SCG5: variants seen among roughly 807,000 people sequenced by gnomAD.
SCG5 encodes the protein secretogranin V.
SCG5 carries 18 observed loss-of-function variants against 25.7 expected under a neutral mutation model. That is an observed-to-expected ratio of 0.70 (90% CI 0.48 to 1.04). SCG5 has a LOEUF of 1.04. Ranked by LOEUF, SCG5 falls within the 50% of genes least tolerant of loss-of-function variation. SCG5 has a pLI of 0.00. For missense variants in SCG5, 206 were observed against 259.8 expected (o/e 0.79, Z 1.42); for synonymous variants, 101 against 91.7 (o/e 1.10, Z -0.58).
chr15:32,641,995 A>G (rs1025341374), intron 1 of SCG5, among the ~76,000 whole-genome samples: 2 of 152,074 alleles, frequency 1.3e-5, no homozygotes, highest in Non-Finnish European at 2.9e-5. Flanking sequence ...GTTTGCTGGG[A>G]TGACATCCTG....
intron 2 of SCG5, among the ~76,000 whole-genome samples, chr15:32,647,996 T>C (rs1191917333): frequency 6.6e-6 from 1 of 152,130 alleles, no homozygotes; most frequent in African/African-American, 2.4e-5. Flanking sequence ...GTGACTCCGG[T>C]GTTTGTATTT....
At chr15:32,653,193 G>A (rs991007893) in intron 2 of SCG5, among the ~76,000 whole-genome samples, 29 of 152,258 alleles carry the variant, frequency 1.9e-4, no homozygotes, top group African/African-American at 6.7e-4. Context: ...AACAGTGATC[G>A]GTAGAATCTG....
intron 2 of SCG5, among the ~76,000 whole-genome samples, chr15:32,646,980 A>G (rs940722961): frequency 6.6e-5 from 10 of 152,344 alleles, no homozygotes; most frequent in East Asian, 5.8e-4. Flanking sequence ...ATTTTATAGT[A>G]ATACTGTATT....
intron 4 of SCG5, 126 bp downstream of exon 4, chr15:32,684,795 C>A: frequency 1.5e-6 from 1 of 651,228 alleles, no homozygotes; most frequent in South Asian, 1.9e-5. Flanking sequence ...TTTCAGAAAT[C>A]TCTGGTTGAC....
chr15:32,684,778 G>A (rs1039058036), intron 4 of SCG5, 109 bp downstream of exon 4: 1 of 694,316 alleles, frequency 1.4e-6, no homozygotes, highest in South Asian at 1.9e-5. Flanking sequence ...TTATTTAGAA[G>A]CTAATTTTTC....
At chr15:32,652,734 A>C (rs2054052662) in intron 2 of SCG5, among the ~76,000 whole-genome samples, 1 of 152,182 alleles carries the variant, frequency 6.6e-6, no homozygotes, top group Non-Finnish European at 1.5e-5. Context: ...CAGTCTCCCA[A>C]ATCTCTTTTC....
chr15:32,674,734 G>A (rs2054501733), intron 2 of SCG5, among the ~76,000 whole-genome samples: 1 of 152,174 alleles, frequency 6.6e-6, no homozygotes, highest in African/African-American at 2.4e-5. Context: ...GCCAGGGAGA[G>A]ACTCAAACCA....
In SCG5 at chr15:32,670,984, G is replaced by A. The variant is rs541447144; in HGVS notation, c.227-8782G>A. ...TGACTAGATAGGAAAAGCAGCTAAC[G>A]TTCATGGAGTGCTTATTACATACCA... On this transcript the variant is annotated intron_variant, in intron 2 of 5. Coordinates refer to ENST00000300175, the MANE Select transcript of SCG5 (RefSeq NM_001144757.3). Among the ~76,000 whole-genome samples, 145 of 152,308 alleles carry A rather than the reference G, an allele frequency of 9.5e-4. 1 individual carries two copies. The highest frequency in any genetic ancestry group is 1.5e-3 in the South Asian group (7 of 4,820).
At chr15:32,677,763 T>C (rs772296293) in intron 2 of SCG5, 1 of 152,200 alleles carries the variant, frequency 6.6e-6, no homozygotes, top group Admixed American at 6.5e-5. Flanking sequence ...GAAATCCTTC[T>C]AAGAAATGAT....
At chr15:32,675,315 C>T in intron 2 of SCG5, among the ~76,000 whole-genome samples, 1 of 152,150 alleles carries the variant, frequency 6.6e-6, no homozygotes, top group East Asian at 1.9e-4. Context: ...AAGCTTTTGA[C>T]TCATCTCTCT....
At chr15:32,684,973 T>G (rs555740600) in intron 4 of SCG5, among the ~76,000 whole-genome samples, 1 of 152,304 alleles carries the variant, frequency 6.6e-6, no homozygotes, top group South Asian at 2.1e-4. Context: ...CACCAGTGTT[T>G]CATGCATCTC....
chr15:32,654,177 A>T (rs1248912591), intron 2 of SCG5, among the ~76,000 whole-genome samples: 1 of 152,214 alleles, frequency 6.6e-6, no homozygotes, highest in Non-Finnish European at 1.5e-5. Context: ...GGCTGCTATA[A>T]CAAAAATTCC....
In SCG5 at chr15:32,666,178, T is replaced by C. The variant is rs147719889; in HGVS notation, c.227-13588T>C. ...AGTGATGGCTACAGCTCTAAAATAC[T>C]GAACATGGCTGCCTACTGAATTCAG... On this transcript the variant is annotated intron_variant, in intron 2 of 5. Coordinates refer to ENST00000300175, the MANE Select transcript of SCG5 (RefSeq NM_001144757.3). 2.9e-3 allele frequency among the ~76,000 whole-genome samples: 449 copies of C among 152,380 alleles called. 2 individuals are homozygous for C. The highest frequency in any genetic ancestry group is 4.7e-3 in the Non-Finnish European group (323 of 68,034).
At chr15:32,645,168 A>G (rs1017892492) in intron 2 of SCG5, among the ~76,000 whole-genome samples, 1 of 152,206 alleles carries the variant, frequency 6.6e-6, no homozygotes, top group African/African-American at 2.4e-5. Context: ...GCACACCTAT[A>G]TATTTCAGGC....
intron 2 of SCG5, among the ~76,000 whole-genome samples, chr15:32,665,196 A>C (rs933150256): frequency 6.6e-6 from 1 of 152,212 alleles, no homozygotes; most frequent in Non-Finnish European, 1.5e-5. Context: ...CATTCCCCTA[A>C]AATGCACCTA....
intron 2 of SCG5, among the ~76,000 whole-genome samples, chr15:32,661,840 T>C (rs1319798611): frequency 6.6e-6 from 1 of 152,198 alleles, no homozygotes; most frequent in Non-Finnish European, 1.5e-5. Context: ...TCGTGGATCA[T>C]TTCGAAAATA....
chr15:32,660,329 C>T (rs1373076750), intron 2 of SCG5, among the ~76,000 whole-genome samples: 1 of 152,196 alleles, frequency 6.6e-6, no homozygotes, highest in Non-Finnish European at 1.5e-5. Context: ...GAGCTTCCTC[C>T]TGCAGCCTGC....
At chr15:32,679,728 A>G in intron 2 of SCG5, 38 bp from the exon 3 acceptor site, 1 of 1,608,496 alleles carries the variant, frequency 6.2e-7, no homozygotes, top group Non-Finnish European at 8.5e-7. Flanking sequence ...AAATTAATTG[A>G]ATTGCACTGC....
chr15:32,695,134 A>G (rs546376350), intron 5 of SCG5, among the ~76,000 whole-genome samples: 3 of 151,236 alleles, frequency 2.0e-5, no homozygotes, highest in East Asian at 1.9e-4. Flanking sequence ...TCCTGCCTCA[A>G]CCTCCCAAGT....
Sources: allele counts gnomAD v4.1 joint callset (sites outside exome capture counted in the v4.1 genomes callset), GRCh38; gene constraint gnomAD v4.1.1; transcripts MANE v1.5; gene names NCBI Gene and HGNC (gene_info 2026-07-23, HGNC 2026-07-21).